Variants in AP3B1 observed in about 807,000 individuals in gnomAD.
AP3B1 encodes AP-3 complex subunit beta-1.
A neutral mutation model predicts 132.5 loss-of-function variants in AP3B1; 61 were observed. That is an observed-to-expected ratio of 0.46 (90% CI 0.37 to 0.57). AP3B1 has a LOEUF of 0.57. AP3B1 is among the 20% of genes least tolerant of loss of function. AP3B1 has a pLI of 0.00. For synonymous variants in AP3B1, 388 were observed against 438.3 expected (o/e 0.89, Z 1.43); for missense variants, 1,120 against 1,289.4 (o/e 0.87, Z 2.01).
At chr5:78,019,790 G>A (rs548756001) in intron 25 of AP3B1, among the ~76,000 whole-genome samples, 3 of 152,186 alleles carry the variant, frequency 2.0e-5, no homozygotes, top group East Asian at 1.9e-4. Flanking sequence ...GCCAGGAAGC[G>A]TGCCCCTCTT....
At chr5:78,079,158 A>G (rs1749882746) in intron 22 of AP3B1, among the ~76,000 whole-genome samples, 1 of 152,222 alleles carries the variant, frequency 6.6e-6, no homozygotes, top group Non-Finnish European at 1.5e-5. Flanking sequence ...CTTCTTACTG[A>G]ATGTTTTTTA....
At position 78,294,541 on chromosome 5, in the gene AP3B1, T is replaced by C. The variant is rs1488407842; in HGVS notation, c.39A>G (p.Gly13=). The change falls in exon 1 of 27, where the codon GGA becomes GGG. Residue 13 remains glycine (G), a synonymous_variant. Transcript: ENST00000255194. The stretch of plus-strand genomic sequence containing the variant: ...GACCCAGCTCCGTCGCCTCCCCTCC[T>C]CCGGACTGCTCATTGTAAGGAAAAC... ...SNSFPYNEQS[G]GGEATELGQE... The C allele has an allele frequency of 2.5e-6, 4 of 1,614,210 alleles. No individual in the cohort carries two copies. The highest frequency in any genetic ancestry group is 3.4e-6 in the Non-Finnish European group (4 of 1,180,044).
At chr5:78,109,505 T>C (rs1195000378) in intron 20 of AP3B1, among the ~76,000 whole-genome samples, 1 of 152,142 alleles carries the variant, frequency 6.6e-6, no homozygotes, top group Non-Finnish European at 1.5e-5. Context: ...AAAAATACTA[T>C]ACTTGAAGTC....
intron 14 of AP3B1, among the ~76,000 whole-genome samples, chr5:78,143,558 G>A (rs1365389700): frequency 6.6e-6 from 1 of 152,166 alleles, no homozygotes; most frequent in African/African-American, 2.4e-5. Context: ...TTTTTGAGCA[G>A]GTGGATGGGA....
At chr5:78,101,407 C>CATAT (rs1484151747) in intron 20 of AP3B1, 3 of 425,092 alleles carry the variant, frequency 7.1e-6, no homozygotes, top group African/African-American at 6.2e-5. Flanking sequence ...AAAGAAATAA[C>CATAT]ATATGCATAG....
chr5:78,066,904 G>A (rs777348134), intron 22 of AP3B1, among the ~76,000 whole-genome samples: 15 of 152,204 alleles, frequency 9.9e-5, no homozygotes, highest in Non-Finnish European at 1.9e-4. Flanking sequence ...AAGTGTAAGC[G>A]CAGCCAGAGA....
intron 17 of AP3B1, among the ~76,000 whole-genome samples, chr5:78,116,793 A>T (rs999614682): frequency 5.3e-5 from 8 of 151,866 alleles, no homozygotes; most frequent in Admixed American, 3.3e-4. Context: ...CTCCTGGACT[A>T]CTCGTTACCT....
At chr5:78,188,303 A>G (rs935005346) in intron 7 of AP3B1, among the ~76,000 whole-genome samples, 32 of 152,248 alleles carry the variant, frequency 2.1e-4, no homozygotes, top group Non-Finnish European at 2.5e-4. Context: ...GACAACCTAC[A>G]GAATGGGAGA....
intron 20 of AP3B1, among the ~76,000 whole-genome samples, chr5:78,108,119 C>T (rs1480113064): frequency 6.6e-6 from 1 of 152,022 alleles, no homozygotes; most frequent in Non-Finnish European, 1.5e-5. Flanking sequence ...CATTTTCATG[C>T]TCAGTGCCCT....
At chr5:78,197,995 G>A (rs953007365) in intron 7 of AP3B1, among the ~76,000 whole-genome samples, 3 of 152,150 alleles carry the variant, frequency 2.0e-5, no homozygotes, top group Admixed American at 6.5e-5. Context: ...GAACTGAGGT[G>A]CACACAATTT....
intron 15 of AP3B1, among the ~76,000 whole-genome samples, chr5:78,140,479 T>C (rs1048868234): frequency 6.6e-6 from 1 of 152,204 alleles, no homozygotes; most frequent in Admixed American, 6.5e-5. Flanking sequence ...TGGTGTCTAG[T>C]GAGCACCCAT....
chr5:78,022,279 C>T (rs1747138482), intron 24 of AP3B1, among the ~76,000 whole-genome samples: 1 of 151,944 alleles, frequency 6.6e-6, no homozygotes, highest in South Asian at 2.1e-4. Context: ...ACAAGTCTAG[C>T]GGGAGGGAAA....
chr5:78,104,519 A>G (rs1321701628), intron 20 of AP3B1, among the ~76,000 whole-genome samples: 1 of 152,118 alleles, frequency 6.6e-6, no homozygotes, highest in Non-Finnish European at 1.5e-5. Flanking sequence ...GCATTATAAC[A>G]GTAAAACCCA....
chr5:78,080,623 A>ATT (rs66609184), intron 22 of AP3B1, among the ~76,000 whole-genome samples: 2,673 of 103,206 alleles, frequency 0.026, 109 homozygotes, highest in East Asian at 0.074. Flanking sequence ...TATGCCTCCA[A>ATT]TTTTTTTTTT....
intron 1 of AP3B1, among the ~76,000 whole-genome samples, chr5:78,287,603 AAAC>A (rs1300249364): frequency 6.6e-6 from 1 of 152,154 alleles, no homozygotes; most frequent in Non-Finnish European, 1.5e-5. Flanking sequence ...ATGAAGACAA[AAAC>A]AACTAGTTCA....
chr5:78,048,391 C>T (rs1226912990), intron 22 of AP3B1, among the ~76,000 whole-genome samples: 2 of 152,116 alleles, frequency 1.3e-5, no homozygotes, highest in Non-Finnish European at 2.9e-5. Context: ...CCAACATGCC[C>T]TACTATTTTC....
At chr5:78,085,988 G>A (rs1038721627) in intron 22 of AP3B1, among the ~76,000 whole-genome samples, 9 of 151,976 alleles carry the variant, frequency 5.9e-5, no homozygotes, top group African/African-American at 1.4e-4. Context: ...TGCATATTAC[G>A]GAGTGTTTTC....
intron 9 of AP3B1, 59 bp from the exon 10 acceptor site, chr5:78,175,897 A>G (rs1744129063): frequency 8.1e-7 from 1 of 1,234,130 alleles, no homozygotes; most frequent in Non-Finnish European, 1.2e-6. Context: ...TCTTTGAGTA[A>G]GCACTACAAT....
intron 14 of AP3B1, among the ~76,000 whole-genome samples, chr5:78,144,946 G>A (rs910746491): frequency 2.0e-5 from 3 of 152,018 alleles, no homozygotes; most frequent in East Asian, 1.9e-4. Flanking sequence ...CAATCCTCCC[G>A]CCTCAGCCTC....
Sources: allele counts gnomAD v4.1 joint callset (sites outside exome capture counted in the v4.1 genomes callset), GRCh38; gene constraint gnomAD v4.1.1; transcripts MANE v1.5; gene names NCBI Gene and HGNC (gene_info 2026-07-23, HGNC 2026-07-21).